C2CD5: variants seen among roughly 807,000 people sequenced by gnomAD.
The protein encoded by C2CD5 is C2 calcium dependent domain containing 5.
C2CD5 carries 109 observed loss-of-function variants against 130.3 expected under a neutral mutation model. The observed-to-expected ratio is 0.84, with a 90% CI of 0.72 to 0.98. The LOEUF (loss-of-function observed/expected upper bound fraction) is 0.98, where lower values mean the gene tolerates loss of function less well. C2CD5 is among the 50% of genes least tolerant of loss of function. The pLI is 0.00. For missense variants in C2CD5, 996 were observed against 1,261.8 expected, an observed-to-expected ratio of 0.79 and a Z score of 3.19; for synonymous variants, 454 against 429.2, an observed-to-expected ratio of 1.06 and a Z score of -0.71.
chr12:22,532,799 A>G (rs1285760110), intron 3 of C2CD5, among the ~76,000 whole-genome samples: 1 of 152,210 alleles, frequency 6.6e-6, no homozygotes, highest in Non-Finnish European at 1.5e-5. Flanking sequence ...TTACCCTGCA[A>G]GAGCTAAACT....
intron 10 of C2CD5, among the ~76,000 whole-genome samples, chr12:22,503,500 G>A (rs900965935): frequency 1.3e-4 from 19 of 151,986 alleles, no homozygotes; most frequent in East Asian, 5.8e-4. Flanking sequence ...AAAACAATCC[G>A]AAGAATGTGA....
intron 7 of C2CD5, among the ~76,000 whole-genome samples, chr12:22,521,317 A>G (rs1478586817): frequency 6.6e-6 from 1 of 152,336 alleles, no homozygotes; most frequent in East Asian, 1.9e-4. Context: ...TAAGGAAGGA[A>G]CTTACGTCCA....
chr12:22,512,659 G>A, intron 9 of C2CD5: 2 of 1,487,424 alleles, frequency 1.3e-6, no homozygotes, highest in East Asian at 2.6e-5. Flanking sequence ...GCCTTCTACA[G>A]AACCTATGAG....
rs1950755594 is a variant in C2CD5 at position 22,526,731 on chromosome 12, G to C, written c.349+990C>G. 2.6e-5 allele frequency among the ~76,000 whole-genome samples: 4 copies of C among 151,946 alleles called. No individual in the cohort carries two copies. The South Asian group carries it at 6.3e-4, about 24-fold the overall frequency. On this transcript the variant is annotated intron_variant, in intron 4 of 26. Transcript: ENST00000446597. ...GTAAATAAAAAATTCCAAGAATAAGGGTTTTCAAAACATGCTCTGATAAAT... is the reference window on the plus strand; with the variant it reads ...GTAAATAAAAAATTCCAAGAATAAGCGTTTTCAAAACATGCTCTGATAAAT...
intron 10 of C2CD5, among the ~76,000 whole-genome samples, chr12:22,501,621 A>T (rs1000488948): frequency 6.6e-6 from 1 of 152,170 alleles, no homozygotes; most frequent in Admixed American, 6.5e-5. Flanking sequence ...TTCAATTCTA[A>T]TCAATGACAG....
chr12:22,529,523 A>G (rs1007510763), intron 3 of C2CD5, among the ~76,000 whole-genome samples: 1 of 152,222 alleles, frequency 6.6e-6, no homozygotes, highest in Non-Finnish European at 1.5e-5. Context: ...TGATACATAC[A>G]TAGATAGCTA....
Position 22,470,903 on chromosome 12 carries a change from G to A in C2CD5, c.2367C>T (p.Val789=), listed in dbSNP as rs1269530421. 1.9e-6 allele frequency: 3 copies of A among 1,607,628 alleles called. No individual in the cohort carries two copies. Among genetic ancestry groups the A allele is most frequent in the Admixed American group, 1.7e-5 (1 of 59,816 alleles). The stretch of plus-strand genomic sequence containing the variant: ...TGTCAAAAGTGATTGCGACTGCCGT[G>A]ACTGTAACCTAGAATTATAAAAACA... ...LPEDELIQVT[V]TAVAITFDKN... Residue 789 remains valine, a synonymous_variant, in exon 21 of 27, where the codon GTC becomes GTT. Transcript: ENST00000446597.
chr12:22,514,949 G>A (rs1363180582), intron 8 of C2CD5: 6 of 982,390 alleles, frequency 6.1e-6, no homozygotes, highest in Non-Finnish European at 7.3e-6. Flanking sequence ...CTGACATAAT[G>A]TGATCCTACC....
At chr12:22,502,991 A>G (rs1320393003) in intron 10 of C2CD5, among the ~76,000 whole-genome samples, 1 of 152,218 alleles carries the variant, frequency 6.6e-6, no homozygotes, top group Non-Finnish European at 1.5e-5. Flanking sequence ...GTAATCTAAC[A>G]TTAACTAATC....
intron 15 of C2CD5, among the ~76,000 whole-genome samples, chr12:22,476,689 C>T (rs936015755): frequency 4.6e-5 from 7 of 151,972 alleles, no homozygotes; most frequent in Admixed American, 4.6e-4. Flanking sequence ...AGTTTCTATA[C>T]AAGTACATAC....
intron 11 of C2CD5, among the ~76,000 whole-genome samples, chr12:22,491,401 T>C (rs183372780): frequency 1.6e-3 from 239 of 152,266 alleles, no homozygotes; most frequent in Non-Finnish European, 2.9e-3. Flanking sequence ...ATAATTCATA[T>C]TCATCCCCCA....
intron 23 of C2CD5, 60 bp downstream of exon 23, chr12:22,459,432 G>A: frequency 9.5e-7 from 1 of 1,049,682 alleles, no homozygotes; most frequent in East Asian, 2.6e-5. Flanking sequence ...ATAATTTTAT[G>A]CACCACCAAA....
Position 22,472,764 on chromosome 12 carries a change from G to GT in C2CD5, c.2086dup (p.Thr696AsnfsTer2). ...TTCACCTGAAGGAGGAGGAACATCA[G>GT]TAAGTAGAGAATGGACATCTTCCAT... On this transcript the variant is annotated frameshift_variant, in exon 17 of 27. Coordinates refer to ENST00000446597, the MANE Select transcript of C2CD5 (RefSeq NM_001286176.2). LOFTEE classifies it high-confidence loss of function. The GT allele has an allele frequency of 6.3e-7, 1 of 1,582,542 alleles. No individual in the cohort carries two copies. Among genetic ancestry groups the GT allele is most frequent in the Non-Finnish European group, 8.7e-7 (1 of 1,151,778 alleles).
intron 10 of C2CD5, among the ~76,000 whole-genome samples, chr12:22,506,002 G>A (rs1281165126): frequency 6.9e-6 from 1 of 144,900 alleles, no homozygotes; most frequent in African/African-American, 2.4e-5. Context: ...AGTGCTGCCT[G>A]GGTAGACTGG....
chr12:22,454,091 A>C, intron 25 of C2CD5, 49 bp from the exon 26 acceptor site: 3 of 1,403,112 alleles, frequency 2.1e-6, no homozygotes, highest in Non-Finnish European at 3.0e-6. Flanking sequence ...ATGTGTATGG[A>C]TATAGGAATG....
At chr12:22,495,975 G>GGCAA (rs1182365182) in intron 10 of C2CD5, among the ~76,000 whole-genome samples, 1 of 151,972 alleles carries the variant, frequency 6.6e-6, no homozygotes, top group Non-Finnish European at 1.5e-5. Context: ...GTGAAAGCAA[G>GGCAA]GCAAGCATAC....
chr12:22,456,993 C>T lies in C2CD5; in HGVS notation c.2855G>A (p.Arg952Gln). 2.5e-6 allele frequency: 4 copies of T among 1,593,828 alleles called. No homozygotes were observed. The highest frequency in any genetic ancestry group is 1.1e-5 in the South Asian group (1 of 87,848). ...YLGIINMFFI[R>Q]ETTSLREEGG... ...TACCTCCCGAAGAGAAGTAGTCTCTCGAATAAAAAACATGTTAATTATCCC... is the reference window on the plus strand; with the variant it reads ...TACCTCCCGAAGAGAAGTAGTCTCTTGAATAAAAAACATGTTAATTATCCC... The change falls in exon 25 of 27, where the codon CGA becomes CAA. Residue 952 changes from arginine to glutamine, a missense_variant. By Grantham distance (43) the Arg-to-Gln change is conservative (BLOSUM62 1). This residue lies in a region of C2CD5 where 51 missense variants were observed against 99.5 expected (regional missense o/e 0.51). Coordinates refer to ENST00000446597, the MANE Select transcript of C2CD5 (RefSeq NM_001286176.2).
At chr12:22,519,198 G>A in intron 7 of C2CD5, 2 of 1,535,890 alleles carry the variant, frequency 1.3e-6, no homozygotes, top group Non-Finnish European at 1.7e-6. Context: ...GCTGTTGTGA[G>A]TCGAGCGGCA....
At chr12:22,463,972 A>G (rs1591954476) in intron 22 of C2CD5, 1 of 152,196 alleles carries the variant, frequency 6.6e-6, no homozygotes, top group East Asian at 1.9e-4. Context: ...AATTTCCATC[A>G]ATTGATAATG....
Sources: allele counts gnomAD v4.1 joint callset (sites outside exome capture counted in the v4.1 genomes callset), GRCh38; gene constraint gnomAD v4.1.1; regional missense constraint gnomAD v4.1.1; transcripts MANE v1.5; gene names NCBI Gene and HGNC (gene_info 2026-07-23, HGNC 2026-07-21).